The following GPC6 variants were observed in gnomAD, a reference collection of about 807,000 sequenced individuals.
GPC6 encodes glypican 6.
A neutral mutation model predicts 55.2 loss-of-function variants in GPC6; 14 were observed. The ratio of observed to expected loss-of-function variants is 0.25; its 90% CI spans 0.17 to 0.40. The LOEUF (loss-of-function observed/expected upper bound fraction) is 0.40. GPC6 is among the 10% of genes least tolerant of loss of function. The probability of loss-of-function intolerance (pLI) is 1.00; values close to 1 mark genes in which losing one functional copy is unlikely to be tolerated. For missense variants in GPC6, 641 were observed against 708.5 expected (o/e 0.90, Z 1.08); for synonymous variants, 278 against 259.6 (o/e 1.07, Z -0.68).
intron 6 of GPC6, among the ~76,000 whole-genome samples, chr13:94,326,905 C>T (rs867395408): frequency 1.3e-5 from 2 of 152,208 alleles, no homozygotes; most frequent in South Asian, 4.1e-4. Flanking sequence ...GTTCCCTCCT[C>T]CTATGAGACA....
intron 1 of GPC6, among the ~76,000 whole-genome samples, chr13:93,434,571 G>A (rs1877494947): frequency 6.6e-6 from 1 of 152,144 alleles, no homozygotes; most frequent in South Asian, 2.1e-4. Flanking sequence ...AATCTGCACA[G>A]GATTCTTTAT....
intron 4 of GPC6, among the ~76,000 whole-genome samples, chr13:94,212,154 G>T (rs902653836): frequency 3.0e-4 from 45 of 152,054 alleles, no homozygotes; most frequent in African/African-American, 9.9e-4. Flanking sequence ...TAATATCATA[G>T]GCCTGTTAGT....
At chr13:93,633,483 T>G (rs1013970510) in intron 2 of GPC6, among the ~76,000 whole-genome samples, 1 of 151,842 alleles carries the variant, frequency 6.6e-6, no homozygotes, top group Admixed American at 6.6e-5. Flanking sequence ...CCGTCTCTAC[T>G]AAAAATACAA....
rs576821860 is a variant in GPC6 at position 93,582,821 on chromosome 13, G to A, written c.319+37400G>A. ...GACTGTCAAACGTGCTAGGAAAAGCGAAGTGAAACCTGTCGTTAAGCCTTA... is the reference window on the plus strand; with the variant it reads ...GACTGTCAAACGTGCTAGGAAAAGCAAAGTGAAACCTGTCGTTAAGCCTTA... On this transcript the variant is annotated intron_variant, in intron 2 of 8. Coordinates refer to ENST00000377047, the MANE Select transcript of GPC6 (RefSeq NM_005708.5). Among the ~76,000 whole-genome samples the A allele has an allele frequency of 5.9e-5, 9 of 152,290 alleles. No individual in the cohort carries two copies. In the South Asian group the frequency reaches 1.7e-3, roughly 28 times the overall value.
At chr13:94,377,452 T>G (rs879734528) in intron 6 of GPC6, among the ~76,000 whole-genome samples, 7 of 145,838 alleles carry the variant, frequency 4.8e-5, no homozygotes, top group Non-Finnish European at 9.0e-5. Flanking sequence ...AAAATGCTCA[T>G]CATCACTGGC....
chr13:94,260,864 G>C (rs543952217), intron 4 of GPC6, among the ~76,000 whole-genome samples: 1 of 152,270 alleles, frequency 6.6e-6, no homozygotes, highest in African/African-American at 2.4e-5. Flanking sequence ...GAAACAAGTT[G>C]GAGGGTTATG....
intron 5 of GPC6, among the ~76,000 whole-genome samples, chr13:94,292,010 G>A (rs1875005633): frequency 6.6e-6 from 1 of 152,246 alleles, no homozygotes; most frequent in East Asian, 1.9e-4. Context: ...TTTCAGAAAA[G>A]CAACAATATT....
intron 4 of GPC6, among the ~76,000 whole-genome samples, chr13:94,157,595 G>T (rs910749416): frequency 1.3e-4 from 20 of 152,282 alleles, no homozygotes; most frequent in African/African-American, 4.8e-4. Context: ...AATAACTACG[G>T]CTGGAAAACC....
chr13:94,161,660 C>T (rs1888169709), intron 4 of GPC6, among the ~76,000 whole-genome samples: 1 of 152,070 alleles, frequency 6.6e-6, no homozygotes, highest in Non-Finnish European at 1.5e-5. Context: ...GGCCATTCAT[C>T]AGAAAACAGC....
chr13:93,453,487 T>C (rs1878305965), intron 1 of GPC6, among the ~76,000 whole-genome samples: 1 of 145,144 alleles, frequency 6.9e-6, no homozygotes, highest in African/African-American at 2.5e-5. Context: ...GGAAGTATTG[T>C]GTCCGGAATT....
At chr13:94,311,461 G>A (rs1485433646) in intron 6 of GPC6, among the ~76,000 whole-genome samples, 1 of 152,162 alleles carries the variant, frequency 6.6e-6, no homozygotes, top group South Asian at 2.1e-4. Context: ...GAGCCACTGT[G>A]TCCAGCCCTG....
intron 1 of GPC6, among the ~76,000 whole-genome samples, chr13:93,401,335 C>T (rs1045826945): frequency 5.9e-5 from 9 of 151,816 alleles, no homozygotes; most frequent in African/African-American, 1.9e-4. Flanking sequence ...AGGGAATGAG[C>T]GCTGTCAGGG....
At chr13:94,289,681 A>T (rs1385100037) in intron 5 of GPC6, among the ~76,000 whole-genome samples, 1 of 152,120 alleles carries the variant, frequency 6.6e-6, no homozygotes, top group Non-Finnish European at 1.5e-5. Flanking sequence ...AAAAATAAAT[A>T]AATCTTTAAT....
chr13:93,632,214 T>C (rs992794946), intron 2 of GPC6, among the ~76,000 whole-genome samples: 94 of 152,294 alleles, frequency 6.2e-4, no homozygotes, highest in Non-Finnish European at 1.5e-5. Context: ...CTTTTATCCA[T>C]GGCTAAGTTT....
intron 4 of GPC6, among the ~76,000 whole-genome samples, chr13:94,100,362 T>G (rs930837257): frequency 6.6e-6 from 1 of 152,194 alleles, no homozygotes; most frequent in Non-Finnish European, 1.5e-5. Context: ...GTTTAATACA[T>G]TACTCTAAAG....
chr13:93,441,227 GT>G (rs1877785891), intron 1 of GPC6, among the ~76,000 whole-genome samples: 1 of 152,090 alleles, frequency 6.6e-6, no homozygotes, highest in African/African-American at 2.4e-5. Flanking sequence ...GGATGGCTGG[GT>G]CAAATGGTAT....
chr13:93,456,296 C>T (rs906337917), intron 1 of GPC6, among the ~76,000 whole-genome samples: 1 of 151,900 alleles, frequency 6.6e-6, no homozygotes, highest in Non-Finnish European at 1.5e-5. Context: ...TGAACTTTCT[C>T]GTTTTCTTTA....
chr13:94,218,713 A>G (rs1217361170), intron 4 of GPC6, among the ~76,000 whole-genome samples: 4 of 152,156 alleles, frequency 2.6e-5, no homozygotes, highest in Non-Finnish European at 5.9e-5. Flanking sequence ...TGCCAGAGGC[A>G]AAGATTTTCC....
intron 3 of GPC6, among the ~76,000 whole-genome samples, chr13:94,003,640 ACTTT>A (rs1225875815): frequency 1.3e-5 from 2 of 152,218 alleles, no homozygotes; most frequent in Non-Finnish European, 2.9e-5. Flanking sequence ...TACTATTTAA[ACTTT>A]CTTGACACTC....
Sources: gnomAD v4.1 joint callset for allele counts (sites outside exome capture counted in the v4.1 genomes callset) on GRCh38, gnomAD v4.1.1 for gene constraint, MANE v1.5 for transcripts, NCBI Gene and HGNC (gene_info 2026-07-23, HGNC 2026-07-21) for gene names.